Variants in RBFOX1 observed in about 807,000 individuals in gnomAD.
RBFOX1 encodes the protein RNA binding fox-1 homolog 1, also known as RNA binding protein fox-1 homolog 1.
RBFOX1 carries 8 observed loss-of-function variants against 57.7 expected under a neutral mutation model. That is an observed-to-expected ratio of 0.14 (90% CI 0.08 to 0.25). The LOEUF (loss-of-function observed/expected upper bound fraction) is 0.25. Among genes scored for constraint, RBFOX1 ranks in the 10% least tolerant of loss-of-function variants. The pLI, the probability that RBFOX1 is intolerant of heterozygous loss-of-function variation, is 1.00. For missense variants in RBFOX1, 611 were observed against 548.5 expected (o/e 1.11, Z -1.14); for synonymous variants, 326 against 222.4 (o/e 1.47, Z -4.15).
chr16:6,410,251 C>A (rs1162240785), intron 2 of RBFOX1, among the ~76,000 whole-genome samples: 2 of 148,612 alleles, frequency 1.3e-5, no homozygotes. Context: ...AATAAATAAT[C>A]CAAAGGTAGC....
chr16:6,460,962 G>A (rs898348079), intron 2 of RBFOX1, among the ~76,000 whole-genome samples: 95 of 152,244 alleles, frequency 6.2e-4, no homozygotes, highest in African/African-American at 2.1e-3. Context: ...CAAGGTCATG[G>A]ATGAAACTGG....
At chr16:6,581,682 C>A (rs541365975) in intron 2 of RBFOX1, among the ~76,000 whole-genome samples, 2 of 152,182 alleles carry the variant, frequency 1.3e-5, no homozygotes, top group South Asian at 2.1e-4. Context: ...AAGGGGGCCT[C>A]CCTCATGGGT....
intron 3 of RBFOX1, among the ~76,000 whole-genome samples, chr16:5,717,426 A>G (rs1339918963): frequency 6.6e-6 from 1 of 151,962 alleles, no homozygotes; most frequent in Non-Finnish European, 1.5e-5. Flanking sequence ...TTTAATGGTA[A>G]TTTCTGAGAT....
chr16:5,598,973 C>T (rs1014732004), exon 3 of RBFOX1: 3 of 1,523,120 alleles, frequency 2.0e-6, no homozygotes, highest in Non-Finnish European at 2.6e-6. Context: ...TAAGTAGAAG[C>T]ATTTTGCTGA....
At chr16:5,385,634 G>T (rs763906572) in intron 1 of RBFOX1, among the ~76,000 whole-genome samples, 6 of 152,170 alleles carry the variant, frequency 3.9e-5, no homozygotes, top group Non-Finnish European at 7.3e-5. Flanking sequence ...TACAGAATTT[G>T]CCGGAAGGTT....
At position 6,478,413 on chromosome 16, in the gene RBFOX1, ATATATATATATATATATTTTTTT is replaced by A. The variant is rs1222785458; in HGVS notation, c.-64+161358_-64+161380del. Among the ~76,000 whole-genome samples the A allele has an allele frequency of 5.8e-3, 127 of 21,904 alleles. 4 individuals are homozygous for A. Among genetic ancestry groups the A allele is most frequent in the South Asian group, 0.012 (5 of 412 alleles). 14.4% of individuals were successfully genotyped at this position (21,904 alleles called of 152,430 possible). A position where few individuals can be genotyped will look rare whatever the true frequency, so the allele number is the denominator to read the frequency against. On this transcript the variant is annotated intron_variant, in intron 2 of 15. Transcript: ENST00000550418. ...AATATATATATATATATATATATAT[ATATATATATATATATATTTTTTT>A]TTTTTTTTTTTGTATTTTTAGTAGA...
rs555706052 is a variant in RBFOX1 at position 7,671,449 on chromosome 16, G to A, written c.931-5325G>A. ...AGTCCCAAGGCTTGGTGAAGTAAGA[G>A]AGAAGCAAACTTGTAAATGAATTGC... On this transcript the variant is annotated intron_variant, in intron 13 of 15. Transcript: ENST00000550418. 52 of 1,067,682 alleles carry A rather than the reference G, an allele frequency of 4.9e-5. No homozygotes were observed. The African/African-American group carries it at 7.5e-4, about 15-fold the overall frequency. 66.1% of individuals were successfully genotyped at this position (1,067,682 alleles called of 1,614,324 possible).
At chr16:7,094,760 G>GTGTA (rs1239750425) in intron 4 of RBFOX1, among the ~76,000 whole-genome samples, 1 of 139,696 alleles carries the variant, frequency 7.2e-6, no homozygotes, top group Non-Finnish European at 1.6e-5. Context: ...GTGTGTGTGT[G>GTGTA]TGTGTGTGTG....
chr16:5,676,474 G>C (rs79070376), intron 3 of RBFOX1, among the ~76,000 whole-genome samples: 19,266 of 152,178 alleles, frequency 0.13, 1,512 homozygotes, highest in East Asian at 0.32. Flanking sequence ...CCTTGAGCAA[G>C]TCACTCAACC....
intron 4 of RBFOX1, among the ~76,000 whole-genome samples, chr16:7,513,925 T>C (rs1600554510): frequency 6.6e-6 from 1 of 152,328 alleles, no homozygotes; most frequent in East Asian, 1.9e-4. Flanking sequence ...CCATTTTCAA[T>C]ATTGCCAGTC....
intron 3 of RBFOX1, among the ~76,000 whole-genome samples, chr16:6,843,026 A>G (rs1325033892): frequency 6.6e-6 from 1 of 152,116 alleles, no homozygotes; most frequent in Non-Finnish European, 1.5e-5. Context: ...GCTGCCTAGT[A>G]TTCCATGGTG....
At chr16:7,113,386 AG>A (rs1245705895) in intron 4 of RBFOX1, among the ~76,000 whole-genome samples, 3 of 152,186 alleles carry the variant, frequency 2.0e-5, no homozygotes, top group Admixed American at 2.0e-4. Flanking sequence ...ATTCTTACAA[AG>A]CAAAAGATAA....
intron 1 of RBFOX1, among the ~76,000 whole-genome samples, chr16:5,376,506 C>A (rs912461977): frequency 1.3e-5 from 2 of 152,080 alleles, no homozygotes; most frequent in Non-Finnish European, 2.9e-5. Context: ...CAGGGATGAG[C>A]AGACAGGGCA....
At chr16:6,741,329 C>T (rs187533467) in intron 3 of RBFOX1, among the ~76,000 whole-genome samples, 9 of 152,082 alleles carry the variant, frequency 5.9e-5, no homozygotes, top group Admixed American at 2.6e-4. Flanking sequence ...GGTGACATGC[C>T]ACCAAGGGTC....
At chr16:5,931,104 G>A (rs546091498) in intron 4 of RBFOX1, among the ~76,000 whole-genome samples, 4 of 152,242 alleles carry the variant, frequency 2.6e-5, no homozygotes, top group African/African-American at 7.2e-5. Context: ...GTTGTCATTA[G>A]TACCCACCTC....
At chr16:6,271,561 C>G (rs1040283646) in intron 1 of RBFOX1, among the ~76,000 whole-genome samples, 1 of 152,126 alleles carries the variant, frequency 6.6e-6, no homozygotes, top group Non-Finnish European at 1.5e-5. Context: ...AGACAAACCT[C>G]CTGACAAATC....
chr16:6,685,968 A>G (rs573369416), intron 3 of RBFOX1, among the ~76,000 whole-genome samples: 3 of 152,326 alleles, frequency 2.0e-5, no homozygotes, highest in Admixed American at 2.0e-4. Flanking sequence ...CCAACGTGAC[A>G]AAACCAAGCA....
intron 3 of RBFOX1, among the ~76,000 whole-genome samples, chr16:6,956,109 C>T (rs2081777743): frequency 6.6e-6 from 1 of 152,040 alleles, no homozygotes; most frequent in South Asian, 2.1e-4. Flanking sequence ...TGAGTGAGGG[C>T]CACAGAGGCT....
chr16:7,230,187 T>A lies in RBFOX1; in HGVS notation c.27+178089T>A, dbSNP rs577675568. The stretch of plus-strand genomic sequence containing the variant: ...CGTTTACTCATTTCACTTTTTTTTT[T>A]AATTGGACATCTGTATATGTCAGTC... On this transcript the variant is annotated intron_variant, in intron 4 of 15. Transcript: ENST00000550418. Among the ~76,000 whole-genome samples the A allele has an allele frequency of 4.0e-5, 6 of 151,798 alleles. No individual in the cohort carries two copies. The East Asian group carries it at 9.7e-4, about 25-fold the overall frequency.
Sources: gnomAD v4.1 joint callset for allele counts (sites outside exome capture counted in the v4.1 genomes callset) on GRCh38, gnomAD v4.1.1 for gene constraint, MANE v1.5 for transcripts, NCBI Gene and HGNC (gene_info 2026-07-23, HGNC 2026-07-21) for gene names.